NAV2: variants seen among roughly 807,000 people sequenced by gnomAD.
The protein encoded by NAV2 is helicase, APC down-regulated 1.
NAV2 carries 54 observed loss-of-function variants against 223.2 expected under a neutral mutation model. The ratio of observed to expected loss-of-function variants is 0.24; its 90% CI spans 0.19 to 0.30. NAV2 has a LOEUF of 0.30. Among genes scored for constraint, NAV2 ranks in the 10% least tolerant of loss-of-function variants. The pLI is 1.00. For missense variants in NAV2, 2,806 were observed against 3,147.5 expected (o/e 0.89, Z 2.60); for synonymous variants, 1,279 against 1,239.3 (o/e 1.03, Z -0.67).
intron 11 of NAV2, among the ~76,000 whole-genome samples, chr11:20,005,254 T>TATATAATATATATATATATATA (rs1491300791): frequency 4.4e-5 from 1 of 22,738 alleles, no homozygotes; most frequent in African/African-American, 8.1e-5. Flanking sequence ...TATATATATA[T>TATATAATATATATATATATATA]TTTTTTTTTT....
At chr11:19,817,923 C>G (rs1447190171) in intron 1 of NAV2, among the ~76,000 whole-genome samples, 1 of 152,092 alleles carries the variant, frequency 6.6e-6, no homozygotes, top group African/African-American at 2.4e-5. Context: ...CTGGAGATCT[C>G]CAAGGGGAGA....
At chr11:19,379,534 G>A (rs761126323) in intron 1 of NAV2, among the ~76,000 whole-genome samples, 17 of 152,126 alleles carry the variant, frequency 1.1e-4, no homozygotes, top group Non-Finnish European at 2.4e-4. Flanking sequence ...CTGAGTGGCC[G>A]TTGTGGAGGA....
At chr11:19,599,302 A>G (rs2046293761) in intron 1 of NAV2, among the ~76,000 whole-genome samples, 2 of 152,192 alleles carry the variant, frequency 1.3e-5, no homozygotes, top group South Asian at 4.1e-4. Flanking sequence ...GTTTGGCTGG[A>G]AAAACCTGCT....
intron 1 of NAV2, among the ~76,000 whole-genome samples, chr11:19,766,908 C>CT (rs1304774223): frequency 1.3e-5 from 2 of 152,138 alleles, no homozygotes; most frequent in Admixed American, 6.5e-5. Flanking sequence ...TAAAAGGCCC[C>CT]TTGGGGGGTG....
chr11:19,689,841 T>A (rs539848404), intron 1 of NAV2, among the ~76,000 whole-genome samples: 6 of 152,318 alleles, frequency 3.9e-5, no homozygotes, highest in African/African-American at 1.4e-4. Flanking sequence ...GGTGCTGAGT[T>A]GAAATAGAAA....
chr11:20,101,599 G>A (rs574841281), intron 32 of NAV2, among the ~76,000 whole-genome samples: 4 of 152,258 alleles, frequency 2.6e-5, no homozygotes, highest in South Asian at 4.2e-4. Flanking sequence ...ATACCTTCAC[G>A]GGAGTAGTTG....
At chr11:19,498,754 T>C (rs1356951106) in intron 1 of NAV2, among the ~76,000 whole-genome samples, 1 of 152,364 alleles carries the variant, frequency 6.6e-6, no homozygotes, top group Non-Finnish European at 1.5e-5. Context: ...GTCTGCTGTG[T>C]TCCAAAGATG....
At chr11:19,409,338 T>C (rs1850041987) in intron 1 of NAV2, among the ~76,000 whole-genome samples, 2 of 152,232 alleles carry the variant, frequency 1.3e-5, no homozygotes, top group Admixed American at 1.3e-4. Context: ...TTAAGCATTG[T>C]TTTTCTGGTC....
At chr11:19,487,671 G>A (rs2042489032) in intron 1 of NAV2, among the ~76,000 whole-genome samples, 1 of 152,170 alleles carries the variant, frequency 6.6e-6, no homozygotes, top group Non-Finnish European at 1.5e-5. Context: ...AAGACCCTTA[G>A]TGCAACAGCC....
chr11:19,650,774 C>A (rs1161247192), intron 1 of NAV2, among the ~76,000 whole-genome samples: 1 of 152,194 alleles, frequency 6.6e-6, no homozygotes, highest in Non-Finnish European at 1.5e-5. Flanking sequence ...ACGTGCACAA[C>A]ATGAATGAAT....
At chr11:19,478,363 T>C (rs1015471366) in intron 1 of NAV2, among the ~76,000 whole-genome samples, 1 of 151,990 alleles carries the variant, frequency 6.6e-6, no homozygotes, top group Non-Finnish European at 1.5e-5. Flanking sequence ...AAATTGCTGA[T>C]GGAAGGTTTT....
At chr11:19,795,708 T>G (rs969276272) in intron 1 of NAV2, among the ~76,000 whole-genome samples, 8 of 152,202 alleles carry the variant, frequency 5.3e-5, no homozygotes, top group Non-Finnish European at 1.0e-4. Flanking sequence ...AAAGTTTTAG[T>G]CTAAACTTCG....
At chr11:19,711,923 C>G (rs768012582), upstream of NAV2, 1 of 152,242 alleles carries the variant, frequency 6.6e-6, no homozygotes, top group Non-Finnish European at 1.5e-5. Flanking sequence ...AAATAACTTG[C>G]CCACTTCTAA....
intron 1 of NAV2, among the ~76,000 whole-genome samples, chr11:19,679,094 T>C (rs550589054): frequency 1.1e-4 from 17 of 152,194 alleles, no homozygotes; most frequent in Non-Finnish European, 1.6e-4. Context: ...CATAGAGCTA[T>C]ATGGAGAAAA....
chr11:19,512,905 C>G (rs1482578170), intron 1 of NAV2, among the ~76,000 whole-genome samples: 1 of 152,158 alleles, frequency 6.6e-6, no homozygotes, highest in African/African-American at 2.4e-5. Flanking sequence ...GGGATACAAC[C>G]TGTAAAGAAG....
Position 19,915,885 on chromosome 11 carries a change from A to G in NAV2, c.932-17291A>G, listed in dbSNP as rs552230259. Among the ~76,000 whole-genome samples, 8 of 152,292 alleles carry G rather than the reference A, an allele frequency of 5.3e-5. No homozygotes were observed. In the South Asian group the frequency reaches 1.4e-3, roughly 28 times the overall value. ...GTTAAGTACTTTAATATTTGTTGGT[A>G]TAGTGAATAAATGAGTGAGCTATAG... On this transcript the variant is annotated intron_variant, in intron 6 of 37. Coordinates refer to ENST00000349880, the MANE Select transcript of NAV2 (RefSeq NM_145117.5).
At chr11:20,103,616 G>A (rs377212205) in intron 33 of NAV2, 37 bp from the exon 34 acceptor site, 19 of 1,606,970 alleles carry the variant, frequency 1.2e-5, no homozygotes, top group Non-Finnish European at 1.5e-5. Context: ...AGCTTGGCTT[G>A]GAATCACAGC....
At position 20,097,687 on chromosome 11, in the gene NAV2, G is replaced by A. The variant is rs982455617; in HGVS notation, c.6123G>A (p.Glu2041=). ...IKRSNTSETP[E]LLPCGYLVGE... is the part of the protein sequence containing the mutation. ...GCAGCAACACTTCCGAAACACCGGA[G>A]CTGCTTCCTTGTGGCTATCTGGTTG... is the stretch of plus-strand genomic sequence containing the variant. Residue 2041 remains glutamate (E), a synonymous_variant, in exon 31 of 38, where the codon GAG becomes GAA. Coordinates refer to ENST00000349880, the MANE Select transcript of NAV2 (RefSeq NM_145117.5). 18 of 1,612,908 alleles carry A rather than the reference G, an allele frequency of 1.1e-5. No homozygotes were observed. The highest frequency in any genetic ancestry group is 1.5e-5 in the Non-Finnish European group (18 of 1,179,776).
At chr11:19,941,453 A>G (rs1233943761) in intron 8 of NAV2, among the ~76,000 whole-genome samples, 1 of 151,988 alleles carries the variant, frequency 6.6e-6, no homozygotes, top group African/African-American at 2.4e-5. Context: ...TGAATAATAA[A>G]TAGCATGAGG....
Sources: allele counts gnomAD v4.1 joint callset (sites outside exome capture counted in the v4.1 genomes callset), GRCh38; gene constraint gnomAD v4.1.1; transcripts MANE v1.5; gene names NCBI Gene and HGNC (gene_info 2026-07-23, HGNC 2026-07-21).